Variants in LIG4 observed in about 807,000 individuals in gnomAD.
LIG4 encodes the protein DNA ligase 4.
In LIG4, 13 loss-of-function variants were observed where a neutral mutation model predicts 19.0. The observed-to-expected ratio is 0.68, with a 90% confidence interval of 0.44 to 1.09. The LOEUF (loss-of-function observed/expected upper bound fraction) is 1.09. Among genes scored for constraint, LIG4 ranks in the 50% least tolerant of loss-of-function variants. LIG4 has a pLI of 0.00. For synonymous variants in LIG4, 361 were observed against 358.2 expected (o/e 1.01, Z -0.09); for missense variants, 1,026 against 1,089.7 (o/e 0.94, Z 0.82).
In LIG4 at chr13:108,208,869, T is replaced by C; in HGVS notation, c.2400A>G (p.Glu800=). 1 of 1,614,138 alleles carries C rather than the reference T, an allele frequency of 6.2e-7. No homozygotes were observed. Among genetic ancestry groups the C allele is most frequent in the Non-Finnish European group, 8.5e-7 (1 of 1,180,006 alleles). ...GAGAGCAATCCCAGGAATACCGATA[T>C]TCTAAATCAGCAATCAGAGAAGCCA... ...EEMASLIADL[E]YRYSWDCSPL... is the part of the protein sequence containing the mutation. Residue 800 remains glutamate, a synonymous_variant, in exon 3 of 3, where the codon GAA becomes GAG. Transcript: ENST00000442234.
At position 108,208,863 on chromosome 13, in the gene LIG4, C is replaced by A; in HGVS notation, c.2406G>T (p.Arg802=). The A allele has an allele frequency of 6.2e-7, 1 of 1,614,084 alleles. No homozygotes were observed. The highest frequency in any genetic ancestry group is 8.5e-7 in the Non-Finnish European group (1 of 1,180,002). The part of the protein sequence containing the change: ...MASLIADLEY[R]YSWDCSPLSM... ...TGAGAGGAGAGCAATCCCAGGAATA[C>A]CGATATTCTAAATCAGCAATCAGAG... The change falls in exon 3 of 3, where the codon CGG becomes CGT. Residue 802 remains arginine, a synonymous_variant. Transcript: ENST00000442234.
At position 108,207,799 on chromosome 13, in the gene LIG4, A is replaced by G. The variant is rs1302356057; in HGVS notation, c.*734T>C. ...TTTTTGTGAATACTATTTATACTGG[A>G]ATGCAAATTCACATAAAAATACTTC... On this transcript the variant is annotated 3_prime_UTR_variant, in exon 3 of 3. Transcript: ENST00000442234. The G allele has an allele frequency of 6.6e-6, 1 of 152,206 alleles. No individual in the cohort carries two copies. Among genetic ancestry groups the G allele is most frequent in the Non-Finnish European group, 1.5e-5 (1 of 68,016 alleles). The allele number at this position is 152,206 out of a possible 1,614,324, so 9.4% of individuals were successfully genotyped here. A position where few individuals can be genotyped will look rare whatever the true frequency, so the allele number is the denominator to read the frequency against.
At chr13:108,217,090 A>C (rs919621582), upstream of LIG4, among the ~76,000 whole-genome samples, 25 of 152,218 alleles carry the variant, frequency 1.6e-4, no homozygotes, top group Admixed American at 5.2e-4. Flanking sequence ...AATAACAACA[A>C]CACCACAGGC....
chr13:108,208,843 G>A lies in LIG4; in HGVS notation c.2426C>T (p.Pro809Leu). The change falls in exon 3 of 3, where the codon CCT (proline) becomes CTT (leucine). Residue 809 changes from proline to leucine, a missense_variant. Physicochemically the swap from Pro to Leu is moderately conservative, Grantham distance 98 (BLOSUM62 -3). Around this residue, in one of 3 missense-constraint regions of LIG4, gnomAD observed 521 missense variants for 515.5 expected, o/e 1.01. Transcript: ENST00000442234. ...LEYRYSWDCS[P>L]LSMFRRHTVY... ...GGTGTGGCGTCGAAACATACTGAGA[G>A]GAGAGCAATCCCAGGAATACCGATA... 2 of 1,614,118 alleles carry A rather than the reference G, an allele frequency of 1.2e-6. No individual in the cohort carries two copies. Among genetic ancestry groups the A allele is most frequent in the Non-Finnish European group, 1.7e-6 (2 of 1,180,018 alleles).
chr13:108,210,321 A>G lies in LIG4; in HGVS notation c.948T>C (p.His316=). 1 of 1,613,888 alleles carries G rather than the reference A, an allele frequency of 6.2e-7. No homozygotes were observed. The highest frequency in any genetic ancestry group is 8.5e-7 in the Non-Finnish European group (1 of 1,179,816). Residue 316 remains histidine, a synonymous_variant, in exon 3 of 3, where the codon CAT becomes CAC. Transcript: ENST00000442234. ...PTEGSLTPFI[H]NAFKADIQIC... ...TTTGTATATCTGCTTTGAATGCATT[A>G]TGAATGAATGGGGTAAGAGAACCTT...
chr13:108,212,426 TCTA>T lies in LIG4; in HGVS notation c.-28-1133_-28-1131del, dbSNP rs3093754. 4.6e-3 allele frequency among the ~76,000 whole-genome samples: 696 copies of T among 152,298 alleles called. 3 individuals are homozygous for T. The highest frequency in any genetic ancestry group is 0.015 in the African/African-American group (642 of 41,562). ...TTTAGTTTTAAATATTCATACAAGTTCTACTGGAAGATAAATATATTAGAGTAA... is the reference window on the plus strand; with the variant it reads ...TTTAGTTTTAAATATTCATACAAGTTCTGGAAGATAAATATATTAGAGTAA... On this transcript the variant is annotated intron_variant, in intron 2 of 2. Transcript: ENST00000442234.
At chr13:108,215,714 GCTC>G (rs1178877432), upstream of LIG4, among the ~76,000 whole-genome samples, 1 of 151,534 alleles carries the variant, frequency 6.6e-6, no homozygotes. Context: ...AGTACACACG[GCTC>G]CTATTGGCCT....
intron 2 of LIG4, among the ~76,000 whole-genome samples, chr13:108,212,676 G>A (rs1878794509): frequency 6.6e-6 from 1 of 150,842 alleles, no homozygotes; most frequent in South Asian, 2.1e-4. Flanking sequence ...CTTCCAATTC[G>A]CAAACAAATG....
intron 2 of LIG4, among the ~76,000 whole-genome samples, chr13:108,212,170 T>A (rs1594468899): frequency 5.9e-5 from 7 of 118,552 alleles, no homozygotes; most frequent in South Asian, 2.7e-4. Context: ...TAAAAGAAAA[T>A]ATATTCTGTA....
upstream of LIG4, among the ~76,000 whole-genome samples, chr13:108,217,379 C>A (rs1879359245): frequency 6.6e-6 from 1 of 152,152 alleles, no homozygotes; most frequent in African/African-American, 2.4e-5. Flanking sequence ...ATTAGCTGGG[C>A]GTGGTGGCGC....
At chr13:108,217,004 C>G (rs1879332979), upstream of LIG4, among the ~76,000 whole-genome samples, 1 of 152,186 alleles carries the variant, frequency 6.6e-6, no homozygotes, top group Non-Finnish European at 1.5e-5. Context: ...ATTCCGTGAT[C>G]AAGATTAGGA....
chr13:108,210,129 C>T lies in LIG4; in HGVS notation c.1140G>A (p.Glu380=). Residue 380 remains glutamate, a synonymous_variant, in exon 3 of 3, where the codon GAG becomes GAA. Coordinates refer to ENST00000442234, the MANE Select transcript of LIG4 (RefSeq NM_206937.2). ...GAATCTCATACCTCTTTCTCAGAGTCTCATGCCCTAGCTTTTTATTATTAA... is the reference window on the plus strand; with the variant it reads ...GAATCTCATACCTCTTTCTCAGAGTTTCATGCCCTAGCTTTTTATTATTAA... The part of the protein sequence containing the change: ...LMVNNKKLGH[E]TLRKRYEILS... 1 of 1,613,764 alleles carries T rather than the reference C, an allele frequency of 6.2e-7. No individual in the cohort carries two copies. Among genetic ancestry groups the T allele is most frequent in the Non-Finnish European group, 8.5e-7 (1 of 1,179,970 alleles).
chr13:108,217,047 AGCTCTCCATC>A (rs1258493925), upstream of LIG4, among the ~76,000 whole-genome samples: 1 of 152,214 alleles, frequency 6.6e-6, no homozygotes, highest in Non-Finnish European at 1.5e-5. Context: ...TTTGACCTGG[AGCTCTCCATC>A]TGGTAGCAAG....
rs752582358 is a variant in LIG4 at position 108,209,778 on chromosome 13, T to G, written c.1491A>C (p.Pro497=). Reference sequence around the variant, plus strand: ...CACGAGAGAGAGTATGAAACACAGATGGCTTCTCACCAGGAGGGGGCTTCT... The same window carrying G: ...CACGAGAGAGAGTATGAAACACAGAGGGCTTCTCACCAGGAGGGGGCTTCT... ...VAEKPPPGEK[P]SVFHTLSRVG... The change falls in exon 3 of 3, where the codon CCA becomes CCC. Residue 497 remains proline (P), a synonymous_variant. Coordinates refer to ENST00000442234, the MANE Select transcript of LIG4 (RefSeq NM_206937.2). 8 of 1,613,966 alleles carry G rather than the reference T, an allele frequency of 5.0e-6. No homozygotes were observed. The highest frequency in any genetic ancestry group is 1.3e-5 in the African/African-American group (1 of 74,906).
chr13:108,208,991 A>G lies in LIG4; in HGVS notation c.2278T>C (p.Cys760Arg). ...TCAATGAAATAACTATCACCATAGC[A>G]ATCATATTCACGGGCAAAATGTTCT... ...TKEHFAREYD[C>R]YGDSYFIDTD... Residue 760 changes from cysteine (C) to arginine (R), a missense_variant, in exon 3 of 3, where the codon TGC (cysteine) becomes CGC (arginine). Transcript: ENST00000442234. 6.2e-7 allele frequency: 1 copy of G among 1,614,164 alleles called. No individual in the cohort carries two copies. The highest frequency in any genetic ancestry group is 1.1e-5 in the South Asian group (1 of 91,080).
At position 108,210,526 on chromosome 13, in the gene LIG4, G is replaced by A. The variant is rs2138978193; in HGVS notation, c.743C>T (p.Pro248Leu). ...AATATCTGCAATAGCAGCTAGCATT[G>A]GTTTAAATGCAGAAAATAAAGTGAT... The part of the protein sequence containing the change: ...ISITLFSAFK[P>L]MLAAIADIEH... The change falls in exon 3 of 3, where the codon CCA becomes CTA. Residue 248 changes from proline to leucine, a missense_variant. Physicochemically the swap from Pro to Leu is moderately conservative, Grantham distance 98. Transcript: ENST00000442234. 3 of 1,612,424 alleles carry A rather than the reference G, an allele frequency of 1.9e-6. No homozygotes were observed. Among genetic ancestry groups the A allele is most frequent in the South Asian group, 2.2e-5 (2 of 91,064 alleles).
upstream of LIG4, among the ~76,000 whole-genome samples, chr13:108,215,971 C>T (rs1879268535): frequency 6.6e-6 from 1 of 151,498 alleles, no homozygotes; most frequent in South Asian, 2.1e-4. Flanking sequence ...CTTTTGCAAA[C>T]TATATAGAGC....
Position 108,209,126 on chromosome 13 carries a change from A to G in LIG4, c.2143T>C (p.Ser715Pro), listed in dbSNP as rs866407813. The G allele has an allele frequency of 1.2e-6, 2 of 1,614,154 alleles. No individual in the cohort carries two copies. Among genetic ancestry groups the G allele is most frequent in the African/African-American group, 2.7e-5 (2 of 75,044 alleles). The change falls in exon 3 of 3, where the codon TCA (serine) becomes CCA (proline). Residue 715 changes from serine to proline, a missense_variant. Physicochemically the swap from Ser to Pro is moderately conservative, Grantham distance 74. Coordinates refer to ENST00000442234, the MANE Select transcript of LIG4 (RefSeq NM_206937.2). ...GGCTTGACAACATCATGTTTATTTG[A>G]CAAAATTATGTTTTTCACTCTGATG... The part of the protein sequence containing the change: ...ENIRVKNIIL[S>P]NKHDVVKPAW...
At position 108,208,938 on chromosome 13, in the gene LIG4, T is replaced by C. The variant is rs775093089; in HGVS notation, c.2331A>G (p.Val777=). The C allele has an allele frequency of 1.2e-6, 2 of 1,614,208 alleles. No homozygotes were observed. Among genetic ancestry groups the C allele is most frequent in the Admixed American group, 3.3e-5 (2 of 60,022 alleles). ...IDTDLNQLKE[V]FSGIKNSNEQ... is the part of the protein sequence containing the mutation. ...CGTTAGAATTTTTAATTCCTGAGAATACTTCCTTCAGTTGGTTCAAGTCTG... is the reference window on the plus strand; with the variant it reads ...CGTTAGAATTTTTAATTCCTGAGAACACTTCCTTCAGTTGGTTCAAGTCTG... The change falls in exon 3 of 3, where the codon GTA becomes GTG. Residue 777 remains valine (V), a synonymous_variant. Coordinates refer to ENST00000442234, the MANE Select transcript of LIG4 (RefSeq NM_206937.2).
Sources: allele counts gnomAD v4.1 joint callset (sites outside exome capture counted in the v4.1 genomes callset), GRCh38; gene constraint gnomAD v4.1.1; regional missense constraint gnomAD v4.1.1; transcripts MANE v1.5; gene names NCBI Gene and HGNC (gene_info 2026-07-23, HGNC 2026-07-21).